LUZP2: variants seen among roughly 807,000 people sequenced by gnomAD.
LUZP2 encodes the protein leucine zipper protein 2.
Under a neutral mutation model 51.6 loss-of-function variants are expected in LUZP2, and 52 were observed. The observed-to-expected ratio is 1.01, with a 90% CI of 0.81 to 1.27. The LOEUF (loss-of-function observed/expected upper bound fraction) is 1.27. Ranked by LOEUF, LUZP2 falls within the 50% of genes most tolerant of loss-of-function variation. The pLI, the probability that LUZP2 is intolerant of heterozygous loss-of-function variation, is 0.00. For synonymous variants in LUZP2, 154 were observed against 137.3 expected (o/e 1.12, Z -0.85); for missense variants, 436 against 395.4 (o/e 1.10, Z -0.87).
intron 5 of LUZP2, among the ~76,000 whole-genome samples, chr11:24,788,073 T>A (rs1193568071): frequency 6.6e-6 from 1 of 152,158 alleles, no homozygotes. Flanking sequence ...TCATTATCAG[T>A]AATCTTAAGT....
intron 5 of LUZP2, among the ~76,000 whole-genome samples, chr11:24,765,068 G>T (rs1387369555): frequency 6.6e-6 from 1 of 151,944 alleles, no homozygotes. Flanking sequence ...AACCAAAAAA[G>T]CTTTGGTCTT....
chr11:24,669,934 T>TG (rs1316846267), intron 1 of LUZP2, among the ~76,000 whole-genome samples: 2 of 152,154 alleles, frequency 1.3e-5, no homozygotes, highest in African/African-American at 4.8e-5. Context: ...AAATAGCTAA[T>TG]GGTAGGACTC....
intron 1 of LUZP2, among the ~76,000 whole-genome samples, chr11:24,658,312 C>T (rs1297330381): frequency 6.6e-6 from 1 of 152,162 alleles, no homozygotes; most frequent in East Asian, 1.9e-4. Flanking sequence ...CTGACAAAAA[C>T]AAGACATGGG....
intron 1 of LUZP2, among the ~76,000 whole-genome samples, chr11:24,616,324 A>G (rs7119179): frequency 0.23 from 35,477 of 151,834 alleles, 5,341 homozygotes; most frequent in African/African-American, 0.42. Flanking sequence ...TCGTTTGTTT[A>G]TCCCAGAAAC....
In LUZP2 at chr11:24,688,657, CT is replaced by C. The variant is rs1272458458; in HGVS notation, c.63-40508del. ...AACTGGAACCTACCACTTGCTGACA[CT>C]TTTACCACTATTGACTCAATGGTCT... On this transcript the variant is annotated intron_variant, in intron 1 of 11. Coordinates refer to ENST00000336930, the MANE Select transcript of LUZP2 (RefSeq NM_001009909.4). Among the ~76,000 whole-genome samples, 4 of 152,090 alleles carry C rather than the reference CT, an allele frequency of 2.6e-5. No homozygotes were observed. In the East Asian group the frequency reaches 7.7e-4, roughly 29 times the overall value.
intron 5 of LUZP2, among the ~76,000 whole-genome samples, chr11:24,852,879 A>G (rs1564992853): frequency 6.6e-6 from 1 of 152,040 alleles, no homozygotes; most frequent in Admixed American, 6.6e-5. Flanking sequence ...GTTTTATCAG[A>G]TATTAGAATT....
chr11:25,064,459 CTA>C (rs1459713721), intron 10 of LUZP2, among the ~76,000 whole-genome samples: 1 of 151,786 alleles, frequency 6.6e-6, no homozygotes, highest in Non-Finnish European at 1.5e-5. Context: ...CTTTTTTTAA[CTA>C]TTCAAATTTT....
At chr11:24,800,571 A>C (rs1325278086) in intron 5 of LUZP2, among the ~76,000 whole-genome samples, 1 of 151,836 alleles carries the variant, frequency 6.6e-6, no homozygotes. Flanking sequence ...AAACAAAAAA[A>C]CCCAAAAAAC....
At chr11:24,725,373 C>A (rs1419755648) in intron 1 of LUZP2, among the ~76,000 whole-genome samples, 1 of 151,972 alleles carries the variant, frequency 6.6e-6, no homozygotes, top group Admixed American at 6.6e-5. Flanking sequence ...AACTGGCTAT[C>A]CATATTTAAG....
intron 9 of LUZP2, among the ~76,000 whole-genome samples, chr11:24,999,361 G>A (rs1856607473): frequency 6.6e-6 from 1 of 151,744 alleles, no homozygotes; most frequent in Admixed American, 6.6e-5. Context: ...AGAAGGAGGA[G>A]GAAGAGGAGG....
chr11:24,872,766 G>A (rs185743877), intron 5 of LUZP2, among the ~76,000 whole-genome samples: 1 of 152,126 alleles, frequency 6.6e-6, no homozygotes, highest in African/African-American at 2.4e-5. Flanking sequence ...TATTTACAAA[G>A]CATTTGCACA....
intron 5 of LUZP2, among the ~76,000 whole-genome samples, chr11:24,856,510 A>T (rs1851571733): frequency 6.6e-6 from 1 of 152,108 alleles, no homozygotes; most frequent in Non-Finnish European, 1.5e-5. Context: ...CCTCTATAGA[A>T]AACTTAAAAT....
intron 4 of LUZP2, among the ~76,000 whole-genome samples, chr11:24,759,953 T>G (rs1453467679): frequency 1.3e-5 from 2 of 152,122 alleles, no homozygotes; most frequent in African/African-American, 4.8e-5. Flanking sequence ...AGCTTGGTTT[T>G]ATATGTTTTA....
intron 1 of LUZP2, among the ~76,000 whole-genome samples, chr11:24,501,061 G>A (rs1244404840): frequency 6.6e-6 from 1 of 152,126 alleles, no homozygotes; most frequent in Non-Finnish European, 1.5e-5. Context: ...GAAATATTTT[G>A]AGGCAACATG....
At chr11:24,664,033 AG>A (rs1033209599) in intron 1 of LUZP2, among the ~76,000 whole-genome samples, 18 of 152,196 alleles carry the variant, frequency 1.2e-4, no homozygotes, top group Non-Finnish European at 4.4e-5. Context: ...AATTGGTACC[AG>A]GTAGAACGGT....
In LUZP2 at chr11:24,742,057, T is replaced by TTATATATATATATATATATATA. The variant is rs1554983398; in HGVS notation, c.333+3774_333+3775insATATATATATATATATATATAT. 1.3e-3 allele frequency among the ~76,000 whole-genome samples: 152 copies of TTATATATATATATATATATATA among 116,284 alleles called. 3 individuals carry two copies. Among genetic ancestry groups the TTATATATATATATATATATATA allele is most frequent in the African/African-American group, 2.9e-3 (69 of 23,836 alleles). The allele number at this position is 116,284 out of a possible 152,430, so 76.3% of individuals were successfully genotyped here. A position where few individuals can be genotyped will look rare whatever the true frequency, so the allele number is the denominator to read the frequency against. ...TATAAATACATAAAAATAAATATAA[T>TTATATATATATATATATATATA]TATATATATATATATATATCACCAT... On this transcript the variant is annotated intron_variant, in intron 4 of 11. Coordinates refer to ENST00000336930, the MANE Select transcript of LUZP2 (RefSeq NM_001009909.4).
intron 1 of LUZP2, among the ~76,000 whole-genome samples, chr11:24,623,057 G>A (rs780777375): frequency 2.6e-5 from 4 of 151,826 alleles, no homozygotes; most frequent in African/African-American, 4.8e-5. Flanking sequence ...TCCAGGCTTC[G>A]TACTGTAAAT....
intron 1 of LUZP2, among the ~76,000 whole-genome samples, chr11:24,570,436 T>G (rs954432772): frequency 2.0e-5 from 3 of 152,078 alleles, no homozygotes; most frequent in Non-Finnish European, 2.9e-5. Context: ...GTTTATTTAT[T>G]TATTTCCTGT....
At chr11:24,707,602 A>T (rs556842848) in intron 1 of LUZP2, among the ~76,000 whole-genome samples, 2 of 152,226 alleles carry the variant, frequency 1.3e-5, no homozygotes, top group Non-Finnish European at 2.9e-5. Flanking sequence ...ATTTAGTCTG[A>T]GTCCAAAGGC....
Sources: gnomAD v4.1 joint callset for allele counts (sites outside exome capture counted in the v4.1 genomes callset) on GRCh38, gnomAD v4.1.1 for gene constraint, MANE v1.5 for transcripts, NCBI Gene and HGNC (gene_info 2026-07-23, HGNC 2026-07-21) for gene names.